The following RBM25 variants were observed in gnomAD, a reference collection of about 807,000 sequenced individuals.
RBM25 encodes RNA binding motif protein 25.
A neutral mutation model predicts 120.7 loss-of-function variants in RBM25; 19 were observed. That is an observed-to-expected ratio of 0.16 (90% CI 0.11 to 0.23). The LOEUF is 0.23. Among genes scored for constraint, RBM25 ranks in the 10% least tolerant of loss-of-function variants. The probability of loss-of-function intolerance (pLI) is 1.00; values close to 1 mark genes in which losing one functional copy is unlikely to be tolerated. For synonymous variants in RBM25, 390 were observed against 326.7 expected (o/e 1.19, Z -2.09); for missense variants, 605 against 1,041.5 (o/e 0.58, Z 5.77).
chr14:73,064,708 A>G (rs1419336001), intron 1 of RBM25, among the ~76,000 whole-genome samples: 1 of 151,132 alleles, frequency 6.6e-6, no homozygotes, highest in Non-Finnish European at 1.5e-5. Flanking sequence ...CAGTTATCTT[A>G]AAGGAATATC....
Position 73,063,763 on chromosome 14 carries a change from AAC to A in RBM25, c.-16+5062_-16+5063del, listed in dbSNP as rs552242305. ...TTGTATCCTGTTCCCTTCCAGGCTT[AAC>A]ACAGTGGCCAGTGATACTGTTAAAA... On this transcript the variant is annotated intron_variant, in intron 1 of 18. Coordinates refer to ENST00000261973, the MANE Select transcript of RBM25 (RefSeq NM_021239.3). Among the ~76,000 whole-genome samples, 339 of 151,506 alleles carry A rather than the reference AAC, an allele frequency of 2.2e-3. 4 individuals carry two copies. The highest frequency in any genetic ancestry group is 7.6e-3 in the African/African-American group (316 of 41,478).
At chr14:73,087,229 TAA>T (rs1398292546) in intron 5 of RBM25, among the ~76,000 whole-genome samples, 2 of 152,206 alleles carry the variant, frequency 1.3e-5, no homozygotes, top group African/African-American at 4.8e-5. Flanking sequence ...TGACTAGTTA[TAA>T]AAGGAAATAG....
chr14:73,098,217 A>G (rs1594923592), intron 7 of RBM25, among the ~76,000 whole-genome samples: 1 of 152,228 alleles, frequency 6.6e-6, no homozygotes, highest in African/African-American at 2.4e-5. Flanking sequence ...GCAGCCTTGA[A>G]TACCCATCCT....
chr14:73,099,709 C>T lies in RBM25; in HGVS notation c.826C>T (p.Leu276=). The change falls in exon 9 of 19, where the codon CTG becomes TTG. Residue 276 remains leucine, a synonymous_variant. Transcript: ENST00000261973. ...AGAAATGGAAGAAGACAAAAGAGAC[C>T]TGATATCTCGAGAGATCAGCAAATT... is the stretch of plus-strand genomic sequence containing the variant. ...AIEMEEDKRD[L]ISREISKFRD... 1 of 1,608,596 alleles carries T rather than the reference C, an allele frequency of 6.2e-7. No individual in the cohort carries two copies. Among genetic ancestry groups the T allele is most frequent in the Non-Finnish European group, 8.5e-7 (1 of 1,178,752 alleles).
At chr14:73,111,844 T>G (rs1458299121) in intron 16 of RBM25, 42 bp downstream of exon 16, 1 of 1,525,038 alleles carries the variant, frequency 6.6e-7, no homozygotes, top group Non-Finnish European at 8.8e-7. Context: ...TGGGAACAGT[T>G]GGAATATGCC....
chr14:73,068,994 C>A (rs1895211029), intron 1 of RBM25, among the ~76,000 whole-genome samples: 1 of 152,060 alleles, frequency 6.6e-6, no homozygotes, highest in Non-Finnish European at 1.5e-5. Flanking sequence ...AACTCCGCAC[C>A]CTGGGTTCAA....
rs758835834 is a variant in RBM25 at position 73,103,436 on chromosome 14, G to C, written c.1112G>C (p.Arg371Thr). The C allele has an allele frequency of 1.9e-6, 3 of 1,611,542 alleles. No individual in the cohort carries two copies. The South Asian group carries it at 3.3e-5, about 18-fold the overall frequency. The change falls in exon 10 of 19, where the codon AGA becomes ACA. Residue 371 changes from arginine (R) to threonine (T), a missense_variant. Physicochemically the swap from Arg to Thr is moderately conservative, Grantham distance 71. Coordinates refer to ENST00000261973, the MANE Select transcript of RBM25 (RefSeq NM_021239.3). ...RDRERDRDRD[R>T]ERSSDRNKDR... ...CGAGAGAGAGATCGTGACCGGGATA[G>C]AGAAAGGAGCTCAGATCGTAATAAG...
rs768818271 is a variant in RBM25, at chr14:73,097,192, TTTTC to T, written c.729+96_729+99del. The T allele has an allele frequency of 6.4e-3, 2,729 of 428,734 alleles. 249 individuals carry two copies. The highest frequency in any genetic ancestry group is 0.018 in the South Asian group (202 of 11,348). 26.6% of individuals were successfully genotyped at this position (428,734 alleles called of 1,614,324 possible). On this transcript the variant is annotated intron_variant, in intron 7 of 18. Transcript: ENST00000261973. ...GATTACATGTCAGTTTTCTTTTTTC[TTTTC>T]TTTTTTTTTTTTTTTTTTTTTTGAG...
In RBM25 at chr14:73,123,878, A is replaced by T. The variant is rs1481681703; in HGVS notation, c.*4073A>T. On this transcript the variant is annotated 3_prime_UTR_variant, in exon 19 of 19. Coordinates refer to ENST00000261973, the MANE Select transcript of RBM25 (RefSeq NM_021239.3). ...CAAAAATAAAAATTCTTTTCAAGCC[A>T]TGTTGTTTGAATTAAATGACACTCC... is the stretch of plus-strand genomic sequence containing the variant. The T allele has an allele frequency of 6.6e-6, 1 of 151,710 alleles. No individual in the cohort carries two copies. The highest frequency in any genetic ancestry group is 1.5e-5 in the Non-Finnish European group (1 of 67,960). 9.4% of individuals were successfully genotyped at this position (151,710 alleles called of 1,614,324 possible).
chr14:73,104,484 G>A (rs948178694), intron 10 of RBM25, among the ~76,000 whole-genome samples: 1 of 151,316 alleles, frequency 6.6e-6, no homozygotes, highest in African/African-American at 2.4e-5. Flanking sequence ...TTCTGCTTCA[G>A]CCTCCCGAGT....
In RBM25 at chr14:73,092,638, A is replaced by T. The variant is rs548008071; in HGVS notation, c.544-4277A>T. On this transcript the variant is annotated intron_variant, in intron 6 of 18. Coordinates refer to ENST00000261973, the MANE Select transcript of RBM25 (RefSeq NM_021239.3). ...TTCACCACGTGCAGGTTTGTTACGT[A>T]TATATACATGTGCCATGTTGGTGTG... Among the ~76,000 whole-genome samples the T allele has an allele frequency of 4.7e-5, 7 of 149,846 alleles. No individual in the cohort carries two copies. In the South Asian group the frequency reaches 1.5e-3, roughly 31 times the overall value.
At chr14:73,100,224 AC>A in intron 9 of RBM25, 1 of 620,900 alleles carries the variant, frequency 1.6e-6, no homozygotes, top group Non-Finnish European at 3.0e-6. Context: ...TACCAGACTT[AC>A]CAAATTTTAG....
intron 13 of RBM25, 149 bp from the exon 14 acceptor site, chr14:73,109,193 G>C (rs1054748321): frequency 1.3e-6 from 1 of 746,942 alleles, no homozygotes; most frequent in Admixed American, 2.5e-5. Flanking sequence ...GCACACTCTG[G>C]TGTGTTCCGT....
chr14:73,110,851 G>A lies in RBM25; in HGVS notation c.1713G>A (p.Arg571=). ...TTTAGATGGAACAAGAGGCTGAGAGGCGCAGGCAGCCACAAATAAAGCAAG... is the reference window on the plus strand; with the variant it reads ...TTTAGATGGAACAAGAGGCTGAGAGACGCAGGCAGCCACAAATAAAGCAAG... ...ELQRMEQEAE[R]RRQPQIKQEP... The change falls in exon 15 of 19, where the codon AGG becomes AGA. Residue 571 remains arginine (R), a synonymous_variant. Transcript: ENST00000261973. 1.9e-6 allele frequency: 3 copies of A among 1,611,082 alleles called. No homozygotes were observed. Among genetic ancestry groups the A allele is most frequent in the Non-Finnish European group, 2.5e-6 (3 of 1,179,212 alleles).
intron 14 of RBM25, 24 bp downstream of exon 14, chr14:73,109,516 G>T (rs189740434): frequency 6.3e-7 from 1 of 1,598,002 alleles, no homozygotes; most frequent in East Asian, 2.3e-5. Flanking sequence ...CCATCTGGTC[G>T]GGCGCGGTGG....
At chr14:73,060,875 G>A (rs1894987529) in intron 1 of RBM25, among the ~76,000 whole-genome samples, 1 of 151,212 alleles carries the variant, frequency 6.6e-6, no homozygotes, top group African/African-American at 2.4e-5. Flanking sequence ...GAAATGTTTT[G>A]CTAGTAAGTT....
At chr14:73,087,024 G>A (rs1566589731) in intron 5 of RBM25, among the ~76,000 whole-genome samples, 4 of 149,520 alleles carry the variant, frequency 2.7e-5, no homozygotes, top group Non-Finnish European at 5.9e-5. Flanking sequence ...TTTTTTGAGG[G>A]GCATATCTGT....
chr14:73,103,185 T>C lies in RBM25; in HGVS notation c.868-7T>C. ...TTAACTCTAAAAGTGCTTTTATTGG[T>C]TTCTAGAAACTGGAAGAAGAGAAAG... On this transcript the variant is annotated splice_polypyrimidine_tract_variant and splice_region_variant and intron_variant, in intron 9 of 18. Transcript: ENST00000261973. The C allele has an allele frequency of 3.1e-6, 5 of 1,603,668 alleles. No homozygotes were observed. The highest frequency in any genetic ancestry group is 4.2e-6 in the Non-Finnish European group (5 of 1,177,396).
chr14:73,109,917 C>T (rs1410125824), intron 14 of RBM25, among the ~76,000 whole-genome samples: 1 of 151,882 alleles, frequency 6.6e-6, no homozygotes, highest in African/African-American at 2.4e-5. Context: ...TGGGGTCTCG[C>T]TGTGTCGCCC....
Sources: allele counts gnomAD v4.1 joint callset (sites outside exome capture counted in the v4.1 genomes callset), GRCh38; gene constraint gnomAD v4.1.1; transcripts MANE v1.5; gene names NCBI Gene and HGNC (gene_info 2026-07-23, HGNC 2026-07-21).